The following PPP2R3B variants were observed in gnomAD, a reference collection of about 807,000 sequenced individuals.
PPP2R3B encodes the protein serine/threonine-protein phosphatase 2A regulatory subunit B'' subunit beta.
A neutral mutation model predicts 72.9 loss-of-function variants in PPP2R3B; 68 were observed. The ratio of observed to expected loss-of-function variants is 0.93; its 90% CI spans 0.77 to 1.14. The LOEUF is 1.14. Among genes scored for constraint, PPP2R3B ranks in the 50% most tolerant of loss-of-function variants. PPP2R3B has a pLI of 0.00. For synonymous variants in PPP2R3B, 466 were observed against 375.8 expected, an observed-to-expected ratio of 1.24 and a Z score of -2.78; for missense variants, 1,018 against 842.0, an observed-to-expected ratio of 1.21 and a Z score of -2.59.
In PPP2R3B at chrX:347,435, G is replaced by A. The variant is rs1436823855; in HGVS notation, c.615-99C>T. 8.1e-6 allele frequency: 11 copies of A among 1,358,400 alleles called. No individual in the cohort carries two copies. In the Admixed American group the frequency reaches 8.5e-5, roughly 10 times the overall value. 84.1% of individuals were successfully genotyped at this position (1,358,400 alleles called of 1,614,324 possible). A position where few individuals can be genotyped will look rare whatever the true frequency, so the allele number is the denominator to read the frequency against. ...ACGTGTGTGGTGTTCCACGTGGTGC[G>A]TGGCAGGTGGCCACACACGACGGCC... On this transcript the variant is annotated intron_variant, in intron 3 of 12. Transcript: ENST00000390665.
chrX:363,256 T>TCCCACAGTGCATCTCCCCGTGCCCAC (rs2071582610), intron 1 of PPP2R3B, among the ~76,000 whole-genome samples: 4 of 118,460 alleles, frequency 3.4e-5, no homozygotes, highest in Admixed American at 7.9e-5. Flanking sequence ...CCCGAGCCCA[T>TCCCACAGTGCATCTCCCCGTGCCCAC]GATCCCGCAG....
chrX:347,262 A>T lies in PPP2R3B; in HGVS notation c.689T>A (p.Val230Glu), dbSNP rs1384900028. The stretch of plus-strand genomic sequence containing the variant: ...CAAGAAGGGGACAAAGTCCTCCTGC[A>T]CCAGGTAGTTGCAGCCGGGGCTCAT... ...LLMSPGCNYL[V>E]QEDFVPFLQD... Residue 230 changes from valine (V) to glutamate (E), a missense_variant, in exon 4 of 13, where the codon GTG becomes GAG. Val to Glu is a moderately radical substitution (Grantham distance 121). Transcript: ENST00000390665. 1.2e-6 allele frequency: 2 copies of T among 1,613,792 alleles called. No individual in the cohort carries two copies. The highest frequency in any genetic ancestry group is 2.7e-5 in the African/African-American group (2 of 75,024).
At position 342,182 on chromosome X, in the gene PPP2R3B, G is replaced by C. The variant is rs767994975; in HGVS notation, c.1037-251C>G. The C allele has an allele frequency of 3.6e-4, 215 of 603,288 alleles. 2 individuals are homozygous for C. In the African/African-American group the frequency reaches 3.6e-3, roughly 10 times the overall value. The allele number at this position is 603,288 out of a possible 1,614,324, so 37.4% of individuals were successfully genotyped here. A position where few individuals can be genotyped will look rare whatever the true frequency, so the allele number is the denominator to read the frequency against. Reference sequence around the variant, plus strand: ...CTGACCGCGGCTCCAAGACCGACTTGTAAAGAGCAGAATATTCAGGCCTCA... The same window carrying C: ...CTGACCGCGGCTCCAAGACCGACTTCTAAAGAGCAGAATATTCAGGCCTCA... On this transcript the variant is annotated intron_variant, in intron 7 of 12. Coordinates refer to ENST00000390665, the MANE Select transcript of PPP2R3B (RefSeq NM_013239.5).
At chrX:347,522 T>C in intron 3 of PPP2R3B, 68 bp downstream of exon 3, 1 of 1,498,370 alleles carries the variant, frequency 6.7e-7, no homozygotes, top group Admixed American at 2.0e-5. Flanking sequence ...GCACCCGTCC[T>C]GGCACCACGG....
intron 1 of PPP2R3B, among the ~76,000 whole-genome samples, chrX:381,377 T>C (rs2072120418): frequency 6.6e-6 from 1 of 152,094 alleles, no homozygotes. Context: ...CACCCTTGGC[T>C]GGGGAGTTCA....
rs201167035 is a variant in PPP2R3B at position 341,948 on chromosome X, T to G, written c.1037-17A>C. 35 of 1,612,436 alleles carry G rather than the reference T, an allele frequency of 2.2e-5. 1 individual carries two copies. The Middle Eastern group carries it at 4.9e-4, about 23-fold the overall frequency. On this transcript the variant is annotated splice_polypyrimidine_tract_variant and intron_variant, in intron 7 of 12. Coordinates refer to ENST00000390665, the MANE Select transcript of PPP2R3B (RefSeq NM_013239.5). ...TAGAAAGGGCTGGAAAGGAATGCGG[T>G]TGATGGGCAGCCCGCACCGTGCCTC... is the stretch of plus-strand genomic sequence containing the variant.
chrX:347,812 C>T (rs1048571605), intron 2 of PPP2R3B, 119 bp from the exon 3 acceptor site: 26 of 722,230 alleles, frequency 3.6e-5, no homozygotes, highest in South Asian at 2.5e-4. Context: ...AGACACAGCA[C>T]GCTCAGCGCG....
At chrX:353,725 T>TGGACCAG (rs2071375598) in intron 2 of PPP2R3B, among the ~76,000 whole-genome samples, 2 of 152,200 alleles carry the variant, frequency 1.3e-5, no homozygotes, top group Admixed American at 6.5e-5. Context: ...CACTGTGTGG[T>TGGACCAG]GGACCAGGGA....
At chrX:366,895 G>A (rs1359220751) in intron 1 of PPP2R3B, among the ~76,000 whole-genome samples, 2 of 150,860 alleles carry the variant, frequency 1.3e-5, no homozygotes, top group African/African-American at 2.5e-5. Flanking sequence ...AGGTGTGGTG[G>A]CGCATGCCTG....
At chrX:358,097 G>A (rs1483504186) in intron 2 of PPP2R3B, among the ~76,000 whole-genome samples, 2 of 152,188 alleles carry the variant, frequency 1.3e-5, no homozygotes, top group African/African-American at 2.4e-5. Context: ...AGTCACTCAC[G>A]CGACGGGGAG....
intron 1 of PPP2R3B, among the ~76,000 whole-genome samples, chrX:363,766 C>T (rs1261923372): frequency 1.3e-5 from 2 of 152,270 alleles, no homozygotes; most frequent in African/African-American, 4.8e-5. Flanking sequence ...TGTGGGGGTC[C>T]CACTGTGGAG....
At chrX:362,050 C>A (rs183137444) in intron 1 of PPP2R3B, among the ~76,000 whole-genome samples, 1 of 152,176 alleles carries the variant, frequency 6.6e-6, no homozygotes, top group African/African-American at 2.4e-5. Flanking sequence ...GCAACCCTGT[C>A]CCTGGAGCCC....
intron 5 of PPP2R3B, 166 bp from the exon 6 acceptor site, chrX:346,426 A>G: frequency 1.5e-6 from 1 of 686,038 alleles, no homozygotes; most frequent in Non-Finnish European, 2.4e-6. Flanking sequence ...GCGCCGCCCC[A>G]GGCCGCGGAA....
chrX:381,772 G>GT (rs1291214338), intron 1 of PPP2R3B, among the ~76,000 whole-genome samples: 1 of 151,606 alleles, frequency 6.6e-6, no homozygotes, highest in African/African-American at 2.4e-5. Context: ...CTAATTTTCT[G>GT]TATCTTTAGT....
intron 7 of PPP2R3B, among the ~76,000 whole-genome samples, chrX:344,327 G>A (rs1245402466): frequency 6.6e-6 from 1 of 151,796 alleles, no homozygotes; most frequent in African/African-American, 2.4e-5. Context: ...AGGCGGGAGG[G>A]AGACCTCACC....
chrX:334,360 G>C lies in PPP2R3B; in HGVS notation c.*7C>G. The C allele has an allele frequency of 6.7e-7, 1 of 1,484,698 alleles. No individual in the cohort carries two copies. The highest frequency in any genetic ancestry group is 2.5e-4 in the Middle Eastern group (1 of 3,984). The allele number at this position is 1,484,698 out of a possible 1,614,324, so 92.0% of individuals were successfully genotyped here. On this transcript the variant is annotated 3_prime_UTR_variant, in exon 13 of 13. Transcript: ENST00000390665. ...GCGGCCCCGCGGCGGCGTTCTCGCGGGCGGCGTCACAGCGGCTCCAGGTCC... is the reference window on the plus strand; with the variant it reads ...GCGGCCCCGCGGCGGCGTTCTCGCGCGCGGCGTCACAGCGGCTCCAGGTCC...
At position 386,416 on chromosome X, in the gene PPP2R3B, C is replaced by G; in HGVS notation, c.276G>C (p.Arg92Ser). 2 of 1,320,008 alleles carry G rather than the reference C, an allele frequency of 1.5e-6. No individual in the cohort carries two copies. The highest frequency in any genetic ancestry group is 1.9e-6 in the Non-Finnish European group (2 of 1,029,584). The allele number at this position is 1,320,008 out of a possible 1,614,324, so 81.8% of individuals were successfully genotyped here. A position where few individuals can be genotyped will look rare whatever the true frequency, so the allele number is the denominator to read the frequency against. ...ALPLGAASSPRNAPHVRGTRR... is the reference protein window; with the variant it reads ...ALPLGAASSPSNAPHVRGTRR... ...GGGTGCCTCGAACGTGGGGCGCGTT[C>G]CTGGGGCTGGAGGCGGCGCCCAGGG... The change falls in exon 1 of 13, where the codon AGG (arginine) becomes AGC (serine). Residue 92 changes from arginine (R) to serine (S), a missense_variant. Physicochemically the swap from Arg to Ser is moderately radical, Grantham distance 110. Coordinates refer to ENST00000390665, the MANE Select transcript of PPP2R3B (RefSeq NM_013239.5).
At chrX:357,794 G>C (rs1398690006) in intron 2 of PPP2R3B, among the ~76,000 whole-genome samples, 1 of 152,194 alleles carries the variant, frequency 6.6e-6, no homozygotes, top group African/African-American at 2.4e-5. Context: ...GTTTGGTGGA[G>C]GTGAAGGAGC....
chrX:372,544 A>T (rs2071888938), intron 1 of PPP2R3B, among the ~76,000 whole-genome samples: 1 of 152,192 alleles, frequency 6.6e-6, no homozygotes, highest in Non-Finnish European at 1.5e-5. Flanking sequence ...TTATACTGGG[A>T]TTGTCACAGG....
Sources: gnomAD v4.1 joint callset for allele counts (sites outside exome capture counted in the v4.1 genomes callset) on GRCh38, gnomAD v4.1.1 for gene constraint, MANE v1.5 for transcripts, NCBI Gene and HGNC (gene_info 2026-07-23, HGNC 2026-07-21) for gene names.